SUGCT: variants seen among roughly 807,000 people sequenced by gnomAD.
SUGCT encodes the protein succinyl-CoA:glutarate CoA-transferase.
Under a neutral mutation model 55.0 loss-of-function variants are expected in SUGCT, and 41 were observed. The ratio of observed to expected loss-of-function variants is 0.74; its 90% CI spans 0.58 to 0.97. The LOEUF (loss-of-function observed/expected upper bound fraction) is 0.97, where lower values mean the gene tolerates loss of function less well. SUGCT is among the 50% of genes least tolerant of loss of function. SUGCT has a pLI of 0.00. For missense variants in SUGCT, 568 were observed against 547.8 expected (o/e 1.04, Z -0.37); for synonymous variants, 187 against 200.4 (o/e 0.93, Z 0.56).
the SUGCT span, among the ~76,000 whole-genome samples, chr7:40,973,443 G>A: frequency 6.6e-6 from 1 of 152,176 alleles, no homozygotes; most frequent in Non-Finnish European, 1.5e-5. Flanking sequence ...GAATTTTGAT[G>A]TTGAAAGTTT....
intron 12 of SUGCT, 22 bp downstream of exon 12, chr7:40,496,408 A>G (rs753513073): frequency 6.6e-6 from 10 of 1,507,822 alleles, no homozygotes; most frequent in Admixed American, 3.5e-5. Context: ...AAGTTTAACA[A>G]CGCCTCTGTT....
intron 12 of SUGCT, among the ~76,000 whole-genome samples, chr7:40,624,981 C>A (rs1053517483): frequency 2.6e-5 from 4 of 152,124 alleles, no homozygotes. Flanking sequence ...CTTTCCCCCC[C>A]AGTTGAAAAT....
At chr7:40,242,933 A>ATATATTTTTTTTTTT (rs1270335224) in intron 7 of SUGCT, among the ~76,000 whole-genome samples, 1 of 17,204 alleles carries the variant, frequency 5.8e-5, no homozygotes, top group African/African-American at 1.5e-4. Context: ...ATATATATAT[A>ATATATTTTTTTTTTT]TTTTTTTTTT....
intron 11 of SUGCT, among the ~76,000 whole-genome samples, chr7:40,494,443 T>C (rs1194444317): frequency 1.3e-5 from 2 of 152,214 alleles, no homozygotes; most frequent in Non-Finnish European, 2.9e-5. Context: ...TGTAAAGAAT[T>C]GATTAGAGCC....
chr7:40,903,642 C>G, the SUGCT span, among the ~76,000 whole-genome samples: 2 of 152,108 alleles, frequency 1.3e-5, no homozygotes, highest in African/African-American at 4.8e-5. Flanking sequence ...AGATAAACCC[C>G]CCTCTAGCAA....
At chr7:40,195,913 C>A (rs1292636728) in intron 6 of SUGCT, among the ~76,000 whole-genome samples, 1 of 151,726 alleles carries the variant, frequency 6.6e-6, no homozygotes, top group African/African-American at 2.4e-5. Flanking sequence ...AGTGTTTCAC[C>A]ATGTTGGCGA....
chr7:40,550,286 G>A (rs1028078070), intron 12 of SUGCT, among the ~76,000 whole-genome samples: 4 of 152,184 alleles, frequency 2.6e-5, no homozygotes, highest in African/African-American at 9.7e-5. Context: ...GCTATTGGTT[G>A]TATCTCTTCG....
At chr7:40,269,334 A>G (rs1791843807) in intron 7 of SUGCT, among the ~76,000 whole-genome samples, 1 of 151,144 alleles carries the variant, frequency 6.6e-6, no homozygotes, top group African/African-American at 2.4e-5. Context: ...TTATTTATTT[A>G]TTTTTTGAGA....
intron 12 of SUGCT, among the ~76,000 whole-genome samples, chr7:40,626,062 GA>G (rs1156905188): frequency 6.6e-6 from 1 of 152,096 alleles, no homozygotes; most frequent in Non-Finnish European, 1.5e-5. Flanking sequence ...TACAGCCTTT[GA>G]TAGGCCCTGC....
intron 9 of SUGCT, among the ~76,000 whole-genome samples, chr7:40,323,074 C>T (rs1016365407): frequency 2.0e-5 from 3 of 152,184 alleles, no homozygotes; most frequent in Admixed American, 1.3e-4. Context: ...TTTTGGCCAT[C>T]TGTTATCACC....
chr7:40,778,420 A>G (rs1217724411), intron 13 of SUGCT, among the ~76,000 whole-genome samples: 1 of 152,252 alleles, frequency 6.6e-6, no homozygotes. Flanking sequence ...TAAATATGAT[A>G]TTTAGCTCAT....
intron 1 of SUGCT, chr7:40,141,776 C>A: frequency 3.0e-6 from 1 of 334,420 alleles, no homozygotes; most frequent in South Asian, 2.6e-5. Flanking sequence ...GGTTTGGTGC[C>A]ACAAAAGAAA....
At chr7:40,440,870 A>T (rs553865965) in intron 9 of SUGCT, among the ~76,000 whole-genome samples, 67 of 152,018 alleles carry the variant, frequency 4.4e-4, no homozygotes, top group African/African-American at 1.5e-3. Flanking sequence ...TGTGAGGAGG[A>T]TCTCTTAAAC....
intron 6 of SUGCT, among the ~76,000 whole-genome samples, chr7:40,203,231 C>T (rs986852614): frequency 2.0e-5 from 3 of 152,150 alleles, no homozygotes; most frequent in African/African-American, 4.8e-5. Flanking sequence ...CACATATCCT[C>T]AAATGGATGA....
the SUGCT span, among the ~76,000 whole-genome samples, chr7:40,989,631 C>A: frequency 6.6e-6 from 1 of 151,846 alleles, no homozygotes. Context: ...ATCAGCTGGC[C>A]CTGGTGGTGT....
chr7:40,518,584 A>G (rs1042325248), intron 12 of SUGCT, among the ~76,000 whole-genome samples: 2 of 151,866 alleles, frequency 1.3e-5, no homozygotes, highest in Non-Finnish European at 2.9e-5. Context: ...TAGTATTCAT[A>G]TATATGATGT....
intron 11 of SUGCT, among the ~76,000 whole-genome samples, chr7:40,482,557 A>C (rs899324054): frequency 6.6e-6 from 1 of 152,118 alleles, no homozygotes; most frequent in Admixed American, 6.6e-5. Context: ...AGAGGTCCTA[A>C]TTAAAAAGAC....
the SUGCT span, among the ~76,000 whole-genome samples, chr7:40,967,836 A>T: frequency 6.6e-6 from 1 of 152,080 alleles, no homozygotes; most frequent in Non-Finnish European, 1.5e-5. Flanking sequence ...GTTAGCCAGG[A>T]TGGTCTCGAT....
At chr7:40,186,727 G>A (rs866198297) in intron 3 of SUGCT, among the ~76,000 whole-genome samples, 9 of 152,314 alleles carry the variant, frequency 5.9e-5, no homozygotes, top group Middle Eastern at 3.4e-3. Context: ...AGTGAGCAGG[G>A]AAGTGAGCAA....
Sources: gnomAD v4.1 joint callset for allele counts (sites outside exome capture counted in the v4.1 genomes callset) on GRCh38, gnomAD v4.1.1 for gene constraint, MANE v1.5 for transcripts, NCBI Gene and HGNC (gene_info 2026-07-23, HGNC 2026-07-21) for gene names.